The following CCDC7 variants were observed in gnomAD, a reference collection of about 807,000 sequenced individuals.
CCDC7 encodes the protein coiled-coil domain-containing protein 7.
CCDC7 carries 183 observed loss-of-function variants against 196.9 expected under a neutral mutation model. The ratio of observed to expected loss-of-function variants is 0.93; its 90% CI spans 0.82 to 1.05. The LOEUF is 1.05. Among genes scored for constraint, CCDC7 ranks in the 50% least tolerant of loss-of-function variants. The pLI is 0.00. For missense variants in CCDC7, 1,540 were observed against 1,482.2 expected (o/e 1.04, Z -0.64); for synonymous variants, 525 against 484.6 (o/e 1.08, Z -1.10).
chr10:32,610,883 A>G (rs942061494), intron 18 of CCDC7, among the ~76,000 whole-genome samples: 1 of 152,184 alleles, frequency 6.6e-6, no homozygotes, highest in African/African-American at 2.4e-5. Context: ...CAATAAACAT[A>G]TGTGTGCATG....
intron 18 of CCDC7, among the ~76,000 whole-genome samples, chr10:32,614,789 G>A (rs2947063): frequency 0.25 from 38,157 of 151,960 alleles, 5,379 homozygotes; most frequent in South Asian, 0.44. Context: ...TCCTTTGGGG[G>A]CCAAGGAGTT....
intron 15 of CCDC7, among the ~76,000 whole-genome samples, chr10:32,568,263 C>T (rs899851118): frequency 1.3e-5 from 2 of 152,080 alleles, no homozygotes; most frequent in African/African-American, 4.8e-5. Flanking sequence ...CCTCGGCCTC[C>T]CAAAGTGCTG....
At chr10:32,863,148 T>C (rs1417164862) in intron 41 of CCDC7, among the ~76,000 whole-genome samples, 2 of 151,442 alleles carry the variant, frequency 1.3e-5, no homozygotes, top group Non-Finnish European at 3.0e-5. Flanking sequence ...TAGAAAACAA[T>C]CCTAAAATTT....
At chr10:32,688,956 G>A in intron 22 of CCDC7, 97 bp from the exon 24 acceptor site, 1 of 740,942 alleles carries the variant, frequency 1.3e-6, no homozygotes, top group East Asian at 2.7e-5. Context: ...TTACAAAAAT[G>A]AGAGAAAATG....
At chr10:32,744,552 C>T (rs2074390810) in intron 28 of CCDC7, among the ~76,000 whole-genome samples, 1 of 152,152 alleles carries the variant, frequency 6.6e-6, no homozygotes, top group Admixed American at 6.5e-5. Flanking sequence ...TGTTCTAATG[C>T]ACAATTTCCT....
At chr10:32,777,253 TACC>T (rs1303243094) in intron 28 of CCDC7, among the ~76,000 whole-genome samples, 1 of 152,222 alleles carries the variant, frequency 6.6e-6, no homozygotes, top group Non-Finnish European at 1.5e-5. Context: ...GGTATATATG[TACC>T]ACATTTTCTA....
intron 3 of CCDC7, among the ~76,000 whole-genome samples, chr10:32,460,937 G>C (rs74383160): frequency 0.034 from 5,223 of 152,234 alleles, 127 homozygotes; most frequent in Non-Finnish European, 0.047. Flanking sequence ...TTGAACCACA[G>C]ATCTAGAGTT....
intron 18 of CCDC7, among the ~76,000 whole-genome samples, chr10:32,591,531 G>C (rs1475754204): frequency 6.6e-6 from 1 of 151,944 alleles, no homozygotes; most frequent in Non-Finnish European, 1.5e-5. Flanking sequence ...TGCAATCAGT[G>C]TTATCATCAG....
At chr10:32,835,034 T>G (rs78830901) in intron 33 of CCDC7, 136 bp downstream of exon 34, 5,030 of 487,156 alleles carry the variant, frequency 0.01, 47 homozygotes, top group Middle Eastern at 0.028. Flanking sequence ...CTGTAATTTG[T>G]GGAACTCTAG....
intron 18 of CCDC7, among the ~76,000 whole-genome samples, chr10:32,611,390 A>G (rs984842002): frequency 2.2e-4 from 34 of 152,162 alleles, no homozygotes; most frequent in Admixed American, 2.1e-3. Flanking sequence ...CTCTGATGAT[A>G]GTTTCTTTTG....
At position 32,868,829 on chromosome 10, in the gene CCDC7, T is replaced by C. The variant is rs969206018; in HGVS notation, c.4112-7518T>C. Among the ~76,000 whole-genome samples the C allele has an allele frequency of 6.7e-4, 102 of 151,564 alleles. 1 individual carries two copies. Among genetic ancestry groups the C allele is most frequent in the Non-Finnish European group, 1.5e-5 (1 of 67,932 alleles). ...TGAGAACATGTGGTGTTTGGTTTTT[T>C]GTCCTTCCGATACTTTGCTGAGAAT... On this transcript the variant is annotated intron_variant, in intron 41 of 41. Transcript: ENST00000639629.
At chr10:32,452,180 T>A (rs1296772320) in intron 1 of CCDC7, among the ~76,000 whole-genome samples, 1 of 152,182 alleles carries the variant, frequency 6.6e-6, no homozygotes, top group Non-Finnish European at 1.5e-5. Context: ...CCAGGGAAAA[T>A]CATTAGAAAC....
At chr10:32,865,731 G>C (rs1358852111) in intron 41 of CCDC7, among the ~76,000 whole-genome samples, 1 of 151,722 alleles carries the variant, frequency 6.6e-6, no homozygotes, top group Non-Finnish European at 1.5e-5. Context: ...TCAACTCCCA[G>C]AATGAGAACT....
intron 5 of CCDC7, among the ~76,000 whole-genome samples, chr10:32,470,510 G>A (rs2037736072): frequency 6.6e-6 from 1 of 151,978 alleles, no homozygotes; most frequent in Non-Finnish European, 1.5e-5. Context: ...TGTGAATCTT[G>A]CTGTTTCTTT....
At chr10:32,826,913 A>T (rs934061240) in intron 32 of CCDC7, among the ~76,000 whole-genome samples, 2 of 152,242 alleles carry the variant, frequency 1.3e-5, no homozygotes, top group Non-Finnish European at 2.9e-5. Context: ...GTTGGAGCCA[A>T]TAGTTTGTCT....
At chr10:32,675,039 C>G (rs2074691325) in intron 21 of CCDC7, among the ~76,000 whole-genome samples, 1 of 152,022 alleles carries the variant, frequency 6.6e-6, no homozygotes, top group Non-Finnish European at 1.5e-5. Context: ...TCTTGCTTTT[C>G]TCATCCTTTC....
chr10:32,580,753 G>A (rs1233356766), intron 16 of CCDC7, among the ~76,000 whole-genome samples: 1 of 151,828 alleles, frequency 6.6e-6, no homozygotes, highest in Non-Finnish European at 1.5e-5. Flanking sequence ...ACCTGTGAGA[G>A]TTTTTTTCCC....
At chr10:32,633,987 G>A (rs7904466) in intron 18 of CCDC7, among the ~76,000 whole-genome samples, 21,537 of 150,886 alleles carry the variant, frequency 0.14, 1,875 homozygotes, top group African/African-American at 0.25. Flanking sequence ...TATCTAAAAG[G>A]TAGCATTCTA....
chr10:32,625,990 A>G (rs183193325), intron 18 of CCDC7, among the ~76,000 whole-genome samples: 3 of 152,208 alleles, frequency 2.0e-5, no homozygotes, highest in Admixed American at 2.0e-4. Flanking sequence ...GGTTGATTCC[A>G]TTACTTGGCT....
Sources: gnomAD v4.1 joint callset for allele counts (sites outside exome capture counted in the v4.1 genomes callset) on GRCh38, gnomAD v4.1.1 for gene constraint, MANE v1.5 for transcripts, NCBI Gene and HGNC (gene_info 2026-07-23, HGNC 2026-07-21) for gene names.